The following MYO9A variants were observed in gnomAD, a reference collection of about 807,000 sequenced individuals.
MYO9A encodes the protein myosin IXA.
A neutral mutation model predicts 293.3 loss-of-function variants in MYO9A; 103 were observed. That is an observed-to-expected ratio of 0.35 (90% confidence interval 0.30 to 0.41). MYO9A has a LOEUF of 0.41. Among genes scored for constraint, MYO9A ranks in the 10% least tolerant of loss-of-function variants. MYO9A has a pLI of 1.00. For synonymous variants in MYO9A, 1,001 were observed against 1,035.7 expected (o/e 0.97, Z 0.64); for missense variants, 2,685 against 3,033.0 (o/e 0.89, Z 2.69).
In MYO9A at chr15:71,928,054, A is replaced by AT. The variant is rs1567282393; in HGVS notation, c.2562+5615dup. On this transcript the variant is annotated intron_variant, in intron 18 of 41. Coordinates refer to ENST00000356056, the MANE Select transcript of MYO9A (RefSeq NM_006901.4). Reference sequence around the variant, plus strand: ...TATATATATATATATATATATATATATATTTTTTTTTTTTTTTTTTTTTTT... The same window carrying AT: ...TATATATATATATATATATATATATATTATTTTTTTTTTTTTTTTTTTTTTT... Among the ~76,000 whole-genome samples the AT allele has an allele frequency of 4.1e-3, 38 of 9,378 alleles. 1 individual carries two copies. Among genetic ancestry groups the AT allele is most frequent in the Non-Finnish European group, 8.9e-3 (20 of 2,256 alleles). 6.2% of individuals were successfully genotyped at this position (9,378 alleles called of 152,430 possible).
chr15:72,082,622 A>G (rs1177742619), intron 1 of MYO9A, among the ~76,000 whole-genome samples: 1 of 152,008 alleles, frequency 6.6e-6, no homozygotes, highest in African/African-American at 2.4e-5. Context: ...CTTGTGCCAG[A>G]TTAAGACAAA....
chr15:72,109,769 A>C (rs2080710244), intron 1 of MYO9A, among the ~76,000 whole-genome samples: 1 of 151,836 alleles, frequency 6.6e-6, no homozygotes, highest in Non-Finnish European at 1.5e-5. Flanking sequence ...CACACCTGTA[A>C]TCCCAGCTAC....
At chr15:71,990,866 T>C (rs1011743222) in intron 11 of MYO9A, among the ~76,000 whole-genome samples, 3 of 152,226 alleles carry the variant, frequency 2.0e-5, no homozygotes, top group African/African-American at 7.2e-5. Flanking sequence ...CAGACTACTC[T>C]GTTTTATCTC....
chr15:71,870,407 GCAA>G (rs1303362623), intron 32 of MYO9A, among the ~76,000 whole-genome samples: 1 of 152,158 alleles, frequency 6.6e-6, no homozygotes, highest in Non-Finnish European at 1.5e-5. Flanking sequence ...TGGAAAATAT[GCAA>G]CAATAGCCTT....
intron 1 of MYO9A, among the ~76,000 whole-genome samples, chr15:72,097,416 A>G (rs2080099230): frequency 6.6e-6 from 1 of 152,196 alleles, no homozygotes; most frequent in Admixed American, 6.5e-5. Context: ...CAATGTGTGG[A>G]TATTTTTGTA....
chr15:72,053,401 G>GT (rs1445060147), intron 1 of MYO9A, among the ~76,000 whole-genome samples: 1 of 148,114 alleles, frequency 6.8e-6, no homozygotes, highest in African/African-American at 2.5e-5. Context: ...GTGAGACTCC[G>GT]TCTCAAAGAA....
chr15:72,053,860 A>C (rs756467099), intron 1 of MYO9A, among the ~76,000 whole-genome samples: 8 of 152,354 alleles, frequency 5.3e-5, no homozygotes, highest in Admixed American at 1.3e-4. Flanking sequence ...AAACAGAATA[A>C]TGAGTTCAAA....
intron 35 of MYO9A, 122 bp downstream of exon 35, chr15:71,854,255 A>G (rs1035927506): frequency 2.5e-6 from 2 of 805,434 alleles, no homozygotes; most frequent in African/African-American, 3.6e-5. Flanking sequence ...AAAGCATCAC[A>G]GAAAAGAATG....
intron 36 of MYO9A, among the ~76,000 whole-genome samples, chr15:71,851,708 A>C (rs543258174): frequency 2.2e-4 from 34 of 152,288 alleles, no homozygotes; most frequent in African/African-American, 8.2e-4. Context: ...GCCTTTATCA[A>C]TATCCTACGC....
intron 1 of MYO9A, among the ~76,000 whole-genome samples, chr15:72,047,023 A>G (rs2078405634): frequency 6.6e-6 from 1 of 152,216 alleles, no homozygotes; most frequent in Non-Finnish European, 1.5e-5. Context: ...ATTGCCCTGT[A>G]CCCAAAATTT....
chr15:72,105,430 T>C (rs2080531744), intron 1 of MYO9A, among the ~76,000 whole-genome samples: 1 of 152,000 alleles, frequency 6.6e-6, no homozygotes, highest in South Asian at 2.1e-4. Context: ...TCTCATTATG[T>C]TGCCCAAGCT....
At position 71,826,013 on chromosome 15, in the gene MYO9A, T is replaced by G. The variant is rs1241684036; in HGVS notation, c.*567A>C. 2 of 138,562 alleles carry G rather than the reference T, an allele frequency of 1.4e-5. No individual in the cohort carries two copies. Among genetic ancestry groups the G allele is most frequent in the African/African-American group, 5.5e-5 (2 of 36,472 alleles). The allele number at this position is 138,562 out of a possible 1,614,324, so 8.6% of individuals were successfully genotyped here. A position where few individuals can be genotyped will look rare whatever the true frequency, so the allele number is the denominator to read the frequency against. On this transcript the variant is annotated 3_prime_UTR_variant, in exon 42 of 42. Coordinates refer to ENST00000356056, the MANE Select transcript of MYO9A (RefSeq NM_006901.4). ...TTTTTTTGTTTTTTTTTTTTTGTTT[T>G]TTTTTTTTGTTTTTGCTTTCCCCAG... is the stretch of plus-strand genomic sequence containing the variant.
At chr15:71,863,921 A>C (rs188729009) in intron 32 of MYO9A, among the ~76,000 whole-genome samples, 101 of 152,332 alleles carry the variant, frequency 6.6e-4, no homozygotes, top group African/African-American at 2.4e-3. Context: ...AGTTAAGTAA[A>C]ATACCATAAC....
chr15:72,101,509 G>C (rs1433274585), intron 1 of MYO9A, among the ~76,000 whole-genome samples: 6 of 116,900 alleles, frequency 5.1e-5, no homozygotes, highest in African/African-American at 1.9e-4. Flanking sequence ...GTCCGGGAGG[G>C]AGGTGGGGGG....
At chr15:71,955,801 C>G (rs914016132) in intron 14 of MYO9A, among the ~76,000 whole-genome samples, 11 of 152,080 alleles carry the variant, frequency 7.2e-5, no homozygotes, top group Non-Finnish European at 1.3e-4. Flanking sequence ...TTTGATCATA[C>G]AAAAAGATAC....
At chr15:71,920,300 TCTAA>T (rs1451369096) in intron 18 of MYO9A, among the ~76,000 whole-genome samples, 7 of 152,180 alleles carry the variant, frequency 4.6e-5, no homozygotes, top group Admixed American at 6.5e-5. Flanking sequence ...TTGAATATAG[TCTAA>T]CTGTTTTGAG....
chr15:72,028,690 T>C (rs2035378), intron 3 of MYO9A, among the ~76,000 whole-genome samples: 152,094 of 152,104 alleles, frequency 1, 76,042 homozygotes, highest in Middle Eastern at 1. Context: ...ACAAGATCCC[T>C]GAAGAAAGAC....
chr15:72,045,633 G>T, intron 2 of MYO9A, 91 bp downstream of exon 2: 1 of 1,344,474 alleles, frequency 7.4e-7, no homozygotes, highest in Non-Finnish European at 9.9e-7. Context: ...CATCGACCTG[G>T]TATTGCAGTA....
intron 3 of MYO9A, among the ~76,000 whole-genome samples, chr15:72,031,677 C>T (rs1397856421): frequency 2.0e-5 from 3 of 151,306 alleles, no homozygotes; most frequent in Admixed American, 2.0e-4. Flanking sequence ...GGGGAATTTG[C>T]TGTACTTTTC....
Sources: allele counts gnomAD v4.1 joint callset (sites outside exome capture counted in the v4.1 genomes callset), GRCh38; gene constraint gnomAD v4.1.1; transcripts MANE v1.5; gene names NCBI Gene and HGNC (gene_info 2026-07-23, HGNC 2026-07-21).